TMEM168: variants seen among roughly 807,000 people sequenced by gnomAD.
TMEM168 encodes the protein transmembrane protein 168.
Under a neutral mutation model 53.2 loss-of-function variants are expected in TMEM168, and 40 were observed. The ratio of observed to expected loss-of-function variants is 0.75; its 90% CI spans 0.58 to 0.98. The LOEUF (loss-of-function observed/expected upper bound fraction) is 0.98, where lower values mean the gene tolerates loss of function less well. TMEM168 is among the 50% of genes least tolerant of loss of function. The pLI is 0.00. For missense variants in TMEM168, 771 were observed against 828.8 expected (o/e 0.93, Z 0.86); for synonymous variants, 282 against 293.0 (o/e 0.96, Z 0.38).
intron 1 of TMEM168, among the ~76,000 whole-genome samples, chr7:112,786,146 G>A (rs7801949): frequency 6.6e-6 from 1 of 152,158 alleles, no homozygotes; most frequent in African/African-American, 2.4e-5. Context: ...AGGTTGCAGT[G>A]AGCGGAGATC....
At position 112,784,246 on chromosome 7, in the gene TMEM168, G is replaced by C. The variant is rs772673214; in HGVS notation, c.580C>G (p.Leu194Val). The C allele has an allele frequency of 1.2e-6, 2 of 1,613,800 alleles. No individual in the cohort carries two copies. The highest frequency in any genetic ancestry group is 1.3e-5 in the African/African-American group (1 of 74,888). The part of the protein sequence containing the change: ...VVALAMLIID[L>V]RMKSFLAIPN... ...ATAGCTAAGAAAGATTTCATTCTCA[G>C]ATCAATAATCAGCATAGCCAGAGCT... Residue 194 changes from leucine to valine, a missense_variant, in exon 2 of 5, where the codon CTG becomes GTG. Coordinates refer to ENST00000312814, the MANE Select transcript of TMEM168 (RefSeq NM_022484.6).
At chr7:112,770,468 A>G (rs1438665522) in intron 4 of TMEM168, among the ~76,000 whole-genome samples, 2 of 152,186 alleles carry the variant, frequency 1.3e-5, no homozygotes, top group East Asian at 3.8e-4. Flanking sequence ...CATACTTCAA[A>G]AAAATTATAA....
chr7:112,765,148 T>TACC lies in TMEM168; in HGVS notation c.*2046_*2048dup, dbSNP rs1437662520. The TACC allele has an allele frequency of 6.6e-6, 1 of 152,202 alleles. No homozygotes were observed. The highest frequency in any genetic ancestry group is 1.5e-5 in the Non-Finnish European group (1 of 68,028). 9.4% of individuals were successfully genotyped at this position (152,202 alleles called of 1,614,324 possible). A position where few individuals can be genotyped will look rare whatever the true frequency, so the allele number is the denominator to read the frequency against. ...TGTTTTTAAAATGTTAGCTTTGTGATACCATCCCAAAAAGTCATTTATTGT... is the reference window on the plus strand; with the variant it reads ...TGTTTTTAAAATGTTAGCTTTGTGATACCACCATCCCAAAAAGTCATTTATTGT... On this transcript the variant is annotated 3_prime_UTR_variant, in exon 5 of 5. Transcript: ENST00000312814.
chr7:112,772,349 A>G (rs745701263), intron 4 of TMEM168, among the ~76,000 whole-genome samples: 3 of 152,202 alleles, frequency 2.0e-5, no homozygotes, highest in African/African-American at 4.8e-5. Context: ...TCCTGACCTA[A>G]GTGCTACTCC....
chr7:112,784,157 C>T lies in TMEM168; in HGVS notation c.669G>A (p.Pro223=), dbSNP rs140711193. The T allele has an allele frequency of 4.1e-4, 660 of 1,613,922 alleles. 8 individuals are homozygous for T. The East Asian group carries it at 0.014, about 35-fold the overall frequency. ...FFSSLETPKN[P]IAFACFFICL... ...AAATAAAAAAACACGCAAAAGCAATCGGATTTTTGGGAGTTTCCAATGAGG... is the reference window on the plus strand; with the variant it reads ...AAATAAAAAAACACGCAAAAGCAATTGGATTTTTGGGAGTTTCCAATGAGG... The change falls in exon 2 of 5, where the codon CCG becomes CCA. Residue 223 remains proline (P), a synonymous_variant. Coordinates refer to ENST00000312814, the MANE Select transcript of TMEM168 (RefSeq NM_022484.6).
At chr7:112,787,713 ATTTTTTTTTTTTTTTTTTTTTTTT>A (rs71155069) in intron 1 of TMEM168, among the ~76,000 whole-genome samples, 2 of 38,768 alleles carry the variant, frequency 5.2e-5, no homozygotes, top group Non-Finnish European at 8.8e-5. Context: ...TGCGACTGGC[ATTTTTTTTTTTTTTTTTTTTTTTT>A]TTTTTTTTTT....
intron 1 of TMEM168, among the ~76,000 whole-genome samples, chr7:112,789,298 C>T (rs1793477498): frequency 6.6e-6 from 1 of 152,094 alleles, no homozygotes; most frequent in Non-Finnish European, 1.5e-5. Context: ...TTCATGTCTG[C>T]ATTTCCCACT....
Position 112,784,942 on chromosome 7 carries a change from GT to G in TMEM168, c.-118del. Reference sequence around the variant, plus strand: ...CAACATTTTCTCTTGTGGAAATTTTGTTTATAGTGATCTAAAAAGAAGAAAA... The same window carrying G: ...CAACATTTTCTCTTGTGGAAATTTTGTTATAGTGATCTAAAAAGAAGAAAA... On this transcript the variant is annotated 5_prime_UTR_variant, in exon 2 of 5. Coordinates refer to ENST00000312814, the MANE Select transcript of TMEM168 (RefSeq NM_022484.6). 1.2e-6 allele frequency: 1 copy of G among 859,516 alleles called. No individual in the cohort carries two copies. Among genetic ancestry groups the G allele is most frequent in the Non-Finnish European group, 1.6e-6 (1 of 616,906 alleles). The allele number at this position is 859,516 out of a possible 1,614,324, so 53.2% of individuals were successfully genotyped here. A position where few individuals can be genotyped will look rare whatever the true frequency, so the allele number is the denominator to read the frequency against.
chr7:112,787,142 C>A (rs771629822), intron 1 of TMEM168, among the ~76,000 whole-genome samples: 4 of 152,114 alleles, frequency 2.6e-5, no homozygotes, highest in African/African-American at 4.8e-5. Context: ...AAAAACAATA[C>A]CAAAAAAGTA....
intron 4 of TMEM168, among the ~76,000 whole-genome samples, chr7:112,770,687 T>C (rs1792909024): frequency 6.6e-6 from 1 of 152,174 alleles, no homozygotes; most frequent in Non-Finnish European, 1.5e-5. Flanking sequence ...TAAATGAACA[T>C]CTAGAATTGA....
intron 3 of TMEM168, among the ~76,000 whole-genome samples, chr7:112,774,889 C>A (rs1793034775): frequency 1.3e-5 from 2 of 152,072 alleles, no homozygotes; most frequent in South Asian, 4.1e-4. Flanking sequence ...CCAGAGGACA[C>A]TTTCTTAACA....
rs570572645 is a variant in TMEM168 at position 112,781,000 on chromosome 7, G to T, written c.1128+2698C>A. Among the ~76,000 whole-genome samples the T allele has an allele frequency of 4.0e-5, 6 of 149,532 alleles. No homozygotes were observed. The South Asian group carries it at 1.1e-3, about 26-fold the overall frequency. ...AGATAGTTAATATTTTGTTTTGCAGGCCATACAATCTCTGTTTTAACTACT... is the reference window on the plus strand; with the variant it reads ...AGATAGTTAATATTTTGTTTTGCAGTCCATACAATCTCTGTTTTAACTACT... On this transcript the variant is annotated intron_variant, in intron 2 of 4. Coordinates refer to ENST00000312814, the MANE Select transcript of TMEM168 (RefSeq NM_022484.6).
intron 2 of TMEM168, 134 bp from the exon 3 acceptor site, chr7:112,775,452 A>C: frequency 2.7e-6 from 2 of 738,348 alleles, no homozygotes; most frequent in East Asian, 5.9e-5. Flanking sequence ...ATCTAAAAAC[A>C]ATTTTCAGTT....
chr7:112,775,445 TA>T, intron 2 of TMEM168, 127 bp from the exon 3 acceptor site: 1 of 797,088 alleles, frequency 1.3e-6, no homozygotes, highest in Non-Finnish European at 1.8e-6. Flanking sequence ...ATTAATGATC[TA>T]AAAACAATTT....
chr7:112,767,242 A>T lies in TMEM168; in HGVS notation c.2049T>A (p.Pro683=). The T allele has an allele frequency of 1.2e-6, 2 of 1,614,116 alleles. No homozygotes were observed. Among genetic ancestry groups the T allele is most frequent in the African/African-American group, 2.7e-5 (2 of 75,046 alleles). ...LKRLKMSWFL[P]TVLDTGQGFK... ...AGCCTTGTCCTGTGTCCAGCACAGT[A>T]GGAAGAAACCAACTCATTTTTAATC... The change falls in exon 5 of 5, where the codon CCT becomes CCA. Residue 683 remains proline (P), a synonymous_variant. Coordinates refer to ENST00000312814, the MANE Select transcript of TMEM168 (RefSeq NM_022484.6).
At chr7:112,773,200 T>C in intron 3 of TMEM168, 145 bp from the exon 4 acceptor site, 1 of 791,194 alleles carries the variant, frequency 1.3e-6, no homozygotes, top group Non-Finnish European at 1.9e-6. Flanking sequence ...CTAAAATTCC[T>C]ATAGTACTGA....
chr7:112,771,428 T>G (rs761741575), intron 4 of TMEM168, among the ~76,000 whole-genome samples: 64 of 152,280 alleles, frequency 4.2e-4, no homozygotes, highest in Non-Finnish European at 6.6e-4. Flanking sequence ...AAAATGAAGA[T>G]AACAGAAGTG....
chr7:112,784,759 C>T lies in TMEM168; in HGVS notation c.67G>A (p.Val23Ile), dbSNP rs150584875. Residue 23 changes from valine to isoleucine, a missense_variant, in exon 2 of 5, where the codon GTA becomes ATA. Coordinates refer to ENST00000312814, the MANE Select transcript of TMEM168 (RefSeq NM_022484.6). ...GAATGCATGTTCACTTCTCTATTTA[C>T]TTCTTCCAGTCTTGTCATTGCTAAA... ...LYLAMTRLEE[V>I]NREVNMHSSV... The T allele has an allele frequency of 3.3e-3, 5,257 of 1,611,540 alleles. 120 individuals carry two copies. In the Admixed American group the frequency reaches 0.041, roughly 13 times the overall value.
In TMEM168 at chr7:112,764,187, T is replaced by C. The variant is rs904107916; in HGVS notation, c.*3010A>G. 2.2e-4 allele frequency: 33 copies of C among 151,588 alleles called. No individual in the cohort carries two copies. The highest frequency in any genetic ancestry group is 7.8e-4 in the African/African-American group (32 of 41,210). 9.4% of individuals were successfully genotyped at this position (151,588 alleles called of 1,614,324 possible). A position where few individuals can be genotyped will look rare whatever the true frequency, so the allele number is the denominator to read the frequency against. ...AAAAAGAAAATAAATTCATACTGTTTTTTTTATTCTATTGAAAAAAAAGAT... is the reference window on the plus strand; with the variant it reads ...AAAAAGAAAATAAATTCATACTGTTCTTTTTATTCTATTGAAAAAAAAGAT... On this transcript the variant is annotated 3_prime_UTR_variant, in exon 5 of 5. Transcript: ENST00000312814.
Sources: gnomAD v4.1 joint callset for allele counts (sites outside exome capture counted in the v4.1 genomes callset) on GRCh38, gnomAD v4.1.1 for gene constraint, MANE v1.5 for transcripts, NCBI Gene and HGNC (gene_info 2026-07-23, HGNC 2026-07-21) for gene names.